PSKH2: variants seen among roughly 807,000 people sequenced by gnomAD.
PSKH2 encodes the protein protein serine kinase H2.
Under a neutral mutation model 22.5 loss-of-function variants are expected in PSKH2, and 16 were observed. That is an observed-to-expected ratio of 0.71 (90% CI 0.48 to 1.08). The LOEUF (loss-of-function observed/expected upper bound fraction) is 1.08. Ranked by LOEUF, PSKH2 falls within the 50% of genes least tolerant of loss-of-function variation. The pLI is 0.00. For missense variants in PSKH2, 516 were observed against 492.8 expected, an observed-to-expected ratio of 1.05 and a Z score of -0.44; for synonymous variants, 188 against 184.8, an observed-to-expected ratio of 1.02 and a Z score of -0.14.
At chr8:86,065,644 T>A (rs1475451245) in intron 1 of PSKH2, among the ~76,000 whole-genome samples, 1 of 152,188 alleles carries the variant, frequency 6.6e-6, no homozygotes. Flanking sequence ...GCTAGGGATC[T>A]TAAGCTTTAA....
At position 86,064,477 on chromosome 8, in the gene PSKH2, G is replaced by T; in HGVS notation, c.340C>A (p.Arg114=). The change falls in exon 2 of 3, where the codon CGG becomes AGG. Residue 114 remains arginine (R), a synonymous_variant. Coordinates refer to ENST00000276616, the MANE Select transcript of PSKH2 (RefSeq NM_033126.3). ...TGGACAATGTAACGATGGCTAACCC[G>T]CCGCAGGACGCTCAGCTCAGACACG... ...ACVSELSVLR[R]VSHRYIVQLM... 1 of 1,613,892 alleles carries T rather than the reference G, an allele frequency of 6.2e-7. No individual in the cohort carries two copies.
At chr8:86,051,278 G>T (rs1249401040) in intron 2 of PSKH2, among the ~76,000 whole-genome samples, 1 of 151,968 alleles carries the variant, frequency 6.6e-6, no homozygotes, top group Non-Finnish European at 1.5e-5. Flanking sequence ...TGTAGAAACC[G>T]GGTTTCGCCA....
intron 1 of PSKH2, among the ~76,000 whole-genome samples, chr8:86,068,788 G>A (rs1407146432): frequency 6.6e-6 from 1 of 152,066 alleles, no homozygotes; most frequent in Non-Finnish European, 1.5e-5. Flanking sequence ...AGGCAAAGCC[G>A]TCTTCCACCG....
In PSKH2 at chr8:86,047,127, T is replaced by C. The variant is rs74571064; in HGVS notation, c.*1335A>G. Among the ~76,000 whole-genome samples, 3 of 152,204 alleles carry C rather than the reference T, an allele frequency of 2.0e-5. No individual in the cohort carries two copies. In the East Asian group the frequency reaches 5.8e-4, roughly 29 times the overall value. The stretch of plus-strand genomic sequence containing the variant: ...TTTTAAATTTTCATTTTCTTTGTCA[T>C]TTTTATTTTCATTTTGTAAATTACA... On this transcript the variant is annotated 3_prime_UTR_variant, in exon 3 of 3. Transcript: ENST00000276616.
chr8:86,057,096 A>G (rs911711447), intron 2 of PSKH2, among the ~76,000 whole-genome samples: 1 of 151,808 alleles, frequency 6.6e-6, no homozygotes, highest in African/African-American at 2.4e-5. Flanking sequence ...TTTTTAAAAA[A>G]TGTTTTTGGT....
rs1414944050 is a variant in PSKH2 at position 86,048,154 on chromosome 8, C to T, written c.*308G>A. The stretch of plus-strand genomic sequence containing the variant: ...CTGGTTCACCATGCCTTCACATATA[C>T]ATCCCTTATTTCTATAGTATTGTAT... On this transcript the variant is annotated 3_prime_UTR_variant, in exon 3 of 3. Coordinates refer to ENST00000276616, the MANE Select transcript of PSKH2 (RefSeq NM_033126.3). 2.6e-5 allele frequency among the ~76,000 whole-genome samples: 4 copies of T among 152,178 alleles called. No individual in the cohort carries two copies. Among genetic ancestry groups the T allele is most frequent in the Non-Finnish European group, 4.4e-5 (3 of 68,028 alleles).
chr8:86,058,396 T>C (rs1817733491), intron 2 of PSKH2, among the ~76,000 whole-genome samples: 1 of 152,240 alleles, frequency 6.6e-6, no homozygotes, highest in East Asian at 1.9e-4. Flanking sequence ...TTAATTATCA[T>C]CTACCTAACT....
At chr8:86,052,070 A>G (rs190987770) in intron 2 of PSKH2, among the ~76,000 whole-genome samples, 57 of 152,334 alleles carry the variant, frequency 3.7e-4, no homozygotes, top group Admixed American at 3.5e-3. Context: ...ACATACACGT[A>G]CATATCTATT....
At chr8:86,061,347 T>C (rs896831971) in intron 2 of PSKH2, among the ~76,000 whole-genome samples, 1 of 152,144 alleles carries the variant, frequency 6.6e-6, no homozygotes, top group South Asian at 2.1e-4. Flanking sequence ...ACAGAAAATA[T>C]TGTATATTGT....
Position 86,064,505 on chromosome 8 carries a change from C to T in PSKH2, c.312G>A (p.Ala104=), listed in dbSNP as rs569087166. 38 of 1,614,022 alleles carry T rather than the reference C, an allele frequency of 2.4e-5. No homozygotes were observed. Among genetic ancestry groups the T allele is most frequent in the African/African-American group, 5.3e-5 (4 of 74,980 alleles). The change falls in exon 2 of 3, where the codon GCG becomes GCA. Residue 104 remains alanine (A), a synonymous_variant. Transcript: ENST00000276616. ...METREREGRE[A]CVSELSVLRR... is the part of the protein sequence containing the mutation. Reference sequence around the variant, plus strand: ...GCAGGACGCTCAGCTCAGACACGCACGCTTCTCTACCTTCCCTCTCTCTGG... The same window carrying T: ...GCAGGACGCTCAGCTCAGACACGCATGCTTCTCTACCTTCCCTCTCTCTGG...
intron 2 of PSKH2, among the ~76,000 whole-genome samples, chr8:86,062,696 T>G (rs1817797386): frequency 6.6e-6 from 1 of 152,194 alleles, no homozygotes; most frequent in African/African-American, 2.4e-5. Flanking sequence ...TCCCCAGCCA[T>G]GCAGAACTGT....
chr8:86,053,882 C>T (rs904574925), intron 2 of PSKH2, among the ~76,000 whole-genome samples: 1 of 152,002 alleles, frequency 6.6e-6, no homozygotes, highest in Non-Finnish European at 1.5e-5. Context: ...TCTCTACATA[C>T]AAAAATTAGC....
chr8:86,060,541 C>T (rs1817762610), intron 2 of PSKH2, among the ~76,000 whole-genome samples: 1 of 152,150 alleles, frequency 6.6e-6, no homozygotes, highest in Non-Finnish European at 1.5e-5. Flanking sequence ...GTATTATGGA[C>T]TGAATATTTT....
intron 2 of PSKH2, among the ~76,000 whole-genome samples, chr8:86,059,195 C>G (rs1041455335): frequency 6.6e-6 from 1 of 152,160 alleles, no homozygotes; most frequent in African/African-American, 2.4e-5. Flanking sequence ...CCTGCCTTGG[C>G]CTCCCAAAGT....
At position 86,049,754 on chromosome 8, in the gene PSKH2, A is replaced by G. The variant is rs201746205; in HGVS notation, c.853-987T>C. Among the ~76,000 whole-genome samples, 15 of 55,992 alleles carry G rather than the reference A, an allele frequency of 2.7e-4. 2 individuals carry two copies. Among genetic ancestry groups the G allele is most frequent in the African/African-American group, 9.5e-4 (14 of 14,774 alleles). The allele number at this position is 55,992 out of a possible 152,430, so 36.7% of individuals were successfully genotyped here. A position where few individuals can be genotyped will look rare whatever the true frequency, so the allele number is the denominator to read the frequency against. On this transcript the variant is annotated intron_variant, in intron 2 of 2. Transcript: ENST00000276616. ...AGAAAGAAAGAAAGAAAGAAACGAA[A>G]GAAAGAAAGAAAGAGAAAAGAAAGA...
At position 86,047,181 on chromosome 8, in the gene PSKH2, T is replaced by A. The variant is rs1817540226; in HGVS notation, c.*1281A>T. Among the ~76,000 whole-genome samples the A allele has an allele frequency of 6.6e-6, 1 of 152,238 alleles. No individual in the cohort carries two copies. The highest frequency in any genetic ancestry group is 1.5e-5 in the Non-Finnish European group (1 of 68,036). ...GAAATGAAGCATTTTTTTCATTTAC[T>A]CATTAGCCATCTATATGTTTATAAA... On this transcript the variant is annotated 3_prime_UTR_variant, in exon 3 of 3. Transcript: ENST00000276616.
At chr8:86,063,780 T>C (rs933404360) in intron 2 of PSKH2, among the ~76,000 whole-genome samples, 185 bp downstream of exon 2, 1 of 152,112 alleles carries the variant, frequency 6.6e-6, no homozygotes, top group East Asian at 1.9e-4. Flanking sequence ...CTGGAGACAT[T>C]TGGGGGCCCC....
At chr8:86,062,196 A>G (rs995521775) in intron 2 of PSKH2, among the ~76,000 whole-genome samples, 1 of 152,174 alleles carries the variant, frequency 6.6e-6, no homozygotes, top group Non-Finnish European at 1.5e-5. Flanking sequence ...TTCCAATGTC[A>G]TTACAATTTT....
intron 2 of PSKH2, among the ~76,000 whole-genome samples, chr8:86,049,750 CGAAAGAAA>C (rs141430833): frequency 1.3e-4 from 9 of 67,124 alleles, no homozygotes; most frequent in African/African-American, 3.7e-4. Flanking sequence ...AAGAAAGAAA[CGAAAGAAA>C]GAAAGAAAGA....
Sources: allele counts gnomAD v4.1 joint callset (sites outside exome capture counted in the v4.1 genomes callset), GRCh38; gene constraint gnomAD v4.1.1; transcripts MANE v1.5; gene names NCBI Gene and HGNC (gene_info 2026-07-23, HGNC 2026-07-21).